Variants in EIF4E3 observed in about 807,000 individuals in gnomAD.
The protein encoded by EIF4E3 is eukaryotic translation initiation factor 4E type 3.
A neutral mutation model predicts 31.7 loss-of-function variants in EIF4E3; 26 were observed. The ratio of observed to expected loss-of-function variants is 0.82; its 90% CI spans 0.60 to 1.14. The LOEUF (loss-of-function observed/expected upper bound fraction) is 1.14, where lower values mean the gene tolerates loss of function less well. Among genes scored for constraint, EIF4E3 ranks in the 50% most tolerant of loss-of-function variants. The pLI is 0.00. For missense variants in EIF4E3, 304 were observed against 270.9 expected, an observed-to-expected ratio of 1.12 and a Z score of -0.86; for synonymous variants, 128 against 107.7, an observed-to-expected ratio of 1.19 and a Z score of -1.17.
intron 1 of EIF4E3, among the ~76,000 whole-genome samples, chr3:71,719,692 A>T (rs1178042436): frequency 6.6e-6 from 1 of 152,144 alleles, no homozygotes; most frequent in African/African-American, 2.4e-5. Context: ...ACTGAGTGGT[A>T]ATGTGGAGTT....
At chr3:71,685,098 C>A (rs545195605) in intron 6 of EIF4E3, among the ~76,000 whole-genome samples, 4 of 151,986 alleles carry the variant, frequency 2.6e-5, no homozygotes, top group African/African-American at 9.7e-5. Context: ...AGAGGGGGTG[C>A]CTGACACAAC....
In EIF4E3 at chr3:71,684,636, T is replaced by G; in HGVS notation, c.*46A>C. 1 of 1,612,094 alleles carries G rather than the reference T, an allele frequency of 6.2e-7. No homozygotes were observed. Among genetic ancestry groups the G allele is most frequent in the Non-Finnish European group, 8.5e-7 (1 of 1,178,800 alleles). On this transcript the variant is annotated 3_prime_UTR_variant, in exon 7 of 7. Transcript: ENST00000425534. ...CACTCTCCCTCCTGTTAAGACCGTT[T>G]CCAAAACCAATCAGCAAAGGACAAA...
intron 1 of EIF4E3, among the ~76,000 whole-genome samples, chr3:71,751,039 G>C (rs557787007): frequency 3.9e-5 from 6 of 152,148 alleles, no homozygotes; most frequent in Admixed American, 2.6e-4. Context: ...TGGGATTACA[G>C]GTGTGAGCCA....
the EIF4E3 span, among the ~76,000 whole-genome samples, chr3:71,663,569 C>T: frequency 6.6e-6 from 1 of 152,136 alleles, no homozygotes; most frequent in South Asian, 2.1e-4. Flanking sequence ...GCATGCTCTC[C>T]CCAGGCATCA....
At chr3:71,717,943 T>C (rs549296705) in intron 1 of EIF4E3, among the ~76,000 whole-genome samples, 2 of 152,352 alleles carry the variant, frequency 1.3e-5, no homozygotes, top group East Asian at 1.9e-4. Flanking sequence ...AAACAGTATG[T>C]GGTACAGTAT....
At chr3:71,746,476 A>T (rs939876205) in intron 1 of EIF4E3, among the ~76,000 whole-genome samples, 2 of 152,226 alleles carry the variant, frequency 1.3e-5, no homozygotes, top group South Asian at 4.1e-4. Flanking sequence ...CCTTATGCAC[A>T]TGATCATATG....
intron 6 of EIF4E3, 42 bp from the exon 7 acceptor site, chr3:71,684,770 A>T (rs1359898324): frequency 1.2e-6 from 2 of 1,605,898 alleles, no homozygotes; most frequent in East Asian, 4.5e-5. Context: ...AAAGGAAAGA[A>T]AACTTTAAGC....
At chr3:71,666,186 G>A in the EIF4E3 span, among the ~76,000 whole-genome samples, 1 of 152,008 alleles carries the variant, frequency 6.6e-6, no homozygotes, top group South Asian at 2.1e-4. Context: ...TAACAAAACA[G>A]ATAGACCACT....
intron 1 of EIF4E3, among the ~76,000 whole-genome samples, chr3:71,711,907 C>T (rs1172526330): frequency 6.6e-6 from 1 of 152,170 alleles, no homozygotes; most frequent in Non-Finnish European, 1.5e-5. Context: ...CGCTTGAACA[C>T]AGGAGATGGA....
At chr3:71,754,418 C>G (rs2049978619), upstream of EIF4E3, 1 of 1,352,210 alleles carries the variant, frequency 7.4e-7, no homozygotes, top group African/African-American at 1.5e-5. The surrounding 1 kb of genome is among the most constrained non-coding windows in gnomAD (Gnocchi z 5.8). Context: ...GCTACCTGGC[C>G]ATCGCGCACC....
intron 5 of EIF4E3, among the ~76,000 whole-genome samples, chr3:71,691,274 TC>T (rs2049059720): frequency 6.6e-6 from 1 of 152,228 alleles, no homozygotes; most frequent in Non-Finnish European, 1.5e-5. Context: ...CATCAGTTTT[TC>T]CAATTGTCTT....
At chr3:71,733,064 C>A (rs1369705941) in intron 1 of EIF4E3, among the ~76,000 whole-genome samples, 2 of 152,190 alleles carry the variant, frequency 1.3e-5, no homozygotes, top group Non-Finnish European at 2.9e-5. Flanking sequence ...ATACGAGTGT[C>A]CTCCTTTGTA....
At position 71,734,160 on chromosome 3, in the gene EIF4E3, G is replaced by C. The variant is rs1203802090; in HGVS notation, c.-290-5537C>G. Among the ~76,000 whole-genome samples the C allele has an allele frequency of 3.9e-5, 6 of 152,080 alleles. No individual in the cohort carries two copies. In the South Asian group the frequency reaches 1.2e-3, roughly 31 times the overall value. ...TGCTTTAAATTTTCTTAGTGTTTGT[G>C]GTAAGACAGTATCTTATTCCCAGAG... On this transcript the variant is annotated intron_variant, in intron 1 of 7. Coordinates refer to the EIF4E3 transcript ENST00000295612.
chr3:71,713,116 C>A (rs956060073), intron 1 of EIF4E3, among the ~76,000 whole-genome samples: 8 of 152,172 alleles, frequency 5.3e-5, no homozygotes, highest in African/African-American at 1.9e-4. Context: ...CATGTAAGTG[C>A]CGAATTCTTG....
chr3:71,701,046 C>G (rs1430457686), intron 2 of EIF4E3, among the ~76,000 whole-genome samples: 1 of 152,164 alleles, frequency 6.6e-6, no homozygotes, highest in Non-Finnish European at 1.5e-5. Context: ...AGGGCCCTCA[C>G]CTGGATGTGC....
At position 71,685,603 on chromosome 3, in the gene EIF4E3, A is replaced by C. The variant is rs1490208938; in HGVS notation, c.629-875T>G. Among the ~76,000 whole-genome samples the C allele has an allele frequency of 2.6e-5, 4 of 152,130 alleles. No homozygotes were observed. The East Asian group carries it at 7.7e-4, about 29-fold the overall frequency. The stretch of plus-strand genomic sequence containing the variant: ...GTCTGGAACTCCTGACCTCAAGTGA[A>C]CCACCTGCCTCAGCCTCCCAAAGTA... On this transcript the variant is annotated intron_variant, in intron 6 of 6. Coordinates refer to ENST00000425534, the MANE Select transcript of EIF4E3 (RefSeq NM_001134651.2).
chr3:71,699,858 T>C lies in EIF4E3; in HGVS notation c.250-150A>G, dbSNP rs1452437688. The C allele has an allele frequency of 1.4e-5, 9 of 647,896 alleles. No homozygotes were observed. In the South Asian group the frequency reaches 1.6e-4, roughly 11 times the overall value. 40.1% of individuals were successfully genotyped at this position (647,896 alleles called of 1,614,324 possible). A position where few individuals can be genotyped will look rare whatever the true frequency, so the allele number is the denominator to read the frequency against. ...TTTTTCTCAGTATCCCTTCTAATTC[T>C]CTGTTAGAAAATGTAATATAACATT... On this transcript the variant is annotated intron_variant, in intron 2 of 6. Coordinates refer to ENST00000425534, the MANE Select transcript of EIF4E3 (RefSeq NM_001134651.2).
At chr3:71,729,798 A>ATG (rs3066626), upstream of EIF4E3, among the ~76,000 whole-genome samples, 5,323 of 129,696 alleles carry the variant, frequency 0.041, 128 homozygotes, top group Middle Eastern at 0.083. Context: ...TTCCAATAGA[A>ATG]TGTGTGTGTG....
At chr3:71,723,019 C>T (rs2049575103) in intron 1 of EIF4E3, among the ~76,000 whole-genome samples, 1 of 152,298 alleles carries the variant, frequency 6.6e-6, no homozygotes, top group East Asian at 1.9e-4. Context: ...GAAAGTAGGA[C>T]AGGCCGGGAG....
Sources: allele counts gnomAD v4.1 joint callset (sites outside exome capture counted in the v4.1 genomes callset), GRCh38; gene constraint gnomAD v4.1.1; non-coding constraint Gnocchi (gnomAD v3.1); transcripts MANE v1.5; gene names NCBI Gene and HGNC (gene_info 2026-07-23, HGNC 2026-07-21).